MBD5: variants seen among roughly 807,000 people sequenced by gnomAD.
MBD5 encodes methyl-CpG binding domain protein 5.
MBD5 carries 13 observed loss-of-function variants against 117.3 expected under a neutral mutation model. That is an observed-to-expected ratio of 0.11 (90% confidence interval 0.07 to 0.18). MBD5 has a LOEUF of 0.18. Among genes scored for constraint, MBD5 ranks in the 10% least tolerant of loss-of-function variants. MBD5 has a pLI of 1.00. For missense variants in MBD5, 1,879 were observed against 2,093.8 expected (o/e 0.90, Z 2.00); for synonymous variants, 727 against 766.4 (o/e 0.95, Z 0.85).
chr2:148,110,272 C>T (rs578132806), intron 1 of MBD5, among the ~76,000 whole-genome samples: 1 of 152,100 alleles, frequency 6.6e-6, no homozygotes, highest in Non-Finnish European at 1.5e-5. Flanking sequence ...AGAATTCAGT[C>T]TAGGTTTGTC....
chr2:148,168,654 G>T (rs549281213), intron 1 of MBD5, among the ~76,000 whole-genome samples: 1 of 152,186 alleles, frequency 6.6e-6, no homozygotes, highest in East Asian at 1.9e-4. Context: ...TTAGATGGAA[G>T]ATCATTTGAG....
intron 2 of MBD5, among the ~76,000 whole-genome samples, chr2:148,197,428 G>A (rs780604168): frequency 2.0e-5 from 3 of 152,162 alleles, no homozygotes; most frequent in Non-Finnish European, 2.9e-5. Flanking sequence ...ACAAAAAAAG[G>A]TTCTGTTTCC....
chr2:148,485,877 C>T lies in MBD5; in HGVS notation c.3680C>T (p.Ala1227Val), dbSNP rs773522192. The change falls in exon 10 of 14, where the codon GCG becomes GTG. Residue 1227 changes from alanine (A) to valine (V), a missense_variant. By Grantham distance (64) the Ala-to-Val change is moderately conservative (BLOSUM62 0). Coordinates refer to ENST00000642680, the MANE Select transcript of MBD5 (RefSeq NM_001378120.1). ...CTCCAGGGGTACCAGAATCTCCAGG[C>T]GTTCCAAGGACAGTCCACAATTCCT... ...QLLQGYQNLQ[A>V]FQGQSTIPCP... 26 of 1,613,972 alleles carry T rather than the reference C, an allele frequency of 1.6e-5. 1 individual carries two copies. The highest frequency in any genetic ancestry group is 1.6e-4 in the Middle Eastern group (1 of 6,084).
Position 148,504,928 on chromosome 2 carries a change from C to G in MBD5, c.5036+2419C>G, listed in dbSNP as rs565564547. 2.0e-5 allele frequency among the ~76,000 whole-genome samples: 3 copies of G among 152,204 alleles called. No homozygotes were observed. In the South Asian group the frequency reaches 6.2e-4, roughly 32 times the overall value. ...TTGTTTTGGAAGTGCCTAAAGGGGGCAGGTGGTCAGATTTTTCACCTTAGG... is the reference window on the plus strand; with the variant it reads ...TTGTTTTGGAAGTGCCTAAAGGGGGGAGGTGGTCAGATTTTTCACCTTAGG... On this transcript the variant is annotated intron_variant, in intron 12 of 13. Coordinates refer to ENST00000642680, the MANE Select transcript of MBD5 (RefSeq NM_001378120.1).
chr2:148,510,413 A>G (rs761350116), intron 13 of MBD5, among the ~76,000 whole-genome samples: 1 of 152,270 alleles, frequency 6.6e-6, no homozygotes, highest in Non-Finnish European at 1.5e-5. Flanking sequence ...TTCAAACCAC[A>G]GCTTTCTGCA....
At chr2:148,354,786 G>A (rs954067019) in intron 4 of MBD5, among the ~76,000 whole-genome samples, 4 of 152,104 alleles carry the variant, frequency 2.6e-5, no homozygotes, top group Non-Finnish European at 4.4e-5. Flanking sequence ...GTTGTTTCCC[G>A]AGTTTTTAAT....
chr2:148,301,232 G>A (rs533801022), intron 3 of MBD5, among the ~76,000 whole-genome samples: 36 of 152,296 alleles, frequency 2.4e-4, no homozygotes, highest in Non-Finnish European at 4.1e-4. Flanking sequence ...CATAGCAGTA[G>A]CCTGTGTAGC....
At chr2:148,323,420 C>T (rs1300154412) in intron 3 of MBD5, among the ~76,000 whole-genome samples, 1 of 151,574 alleles carries the variant, frequency 6.6e-6, no homozygotes, top group Non-Finnish European at 1.5e-5. Flanking sequence ...GGAATCGCCA[C>T]ACTGACTTCC....
intron 8 of MBD5, among the ~76,000 whole-genome samples, chr2:148,480,395 C>A (rs1399294328): frequency 6.6e-6 from 1 of 152,014 alleles, no homozygotes; most frequent in Non-Finnish European, 1.5e-5. Flanking sequence ...ATCTACAAAG[C>A]CTTGCCATGT....
In MBD5 at chr2:148,150,206, C is replaced by G. The variant is rs1375055782; in HGVS notation, c.-924-28494C>G. Reference sequence around the variant, plus strand: ...CATTTATTAAATAGGAAATCCTTTCCCCATTGCTTGTTTTTCTCAGGTTTG... The same window carrying G: ...CATTTATTAAATAGGAAATCCTTTCGCCATTGCTTGTTTTTCTCAGGTTTG... On this transcript the variant is annotated intron_variant, in intron 1 of 13. Coordinates refer to ENST00000642680, the MANE Select transcript of MBD5 (RefSeq NM_001378120.1). Among the ~76,000 whole-genome samples the G allele has an allele frequency of 2.7e-5, 4 of 147,578 alleles. No individual in the cohort carries two copies. The South Asian group carries it at 8.9e-4, about 33-fold the overall frequency.
chr2:148,158,492 C>T lies in MBD5; in HGVS notation c.-924-20208C>T, dbSNP rs1052433769. On this transcript the variant is annotated intron_variant, in intron 1 of 13. Transcript: ENST00000642680. ...AATGGTCTACTCATTATACCCAGAG[C>T]CTAAACCTTCGTGGTACGAAGAGCC... Among the ~76,000 whole-genome samples, 4 of 152,152 alleles carry T rather than the reference C, an allele frequency of 2.6e-5. No individual in the cohort carries two copies. The South Asian group carries it at 8.3e-4, about 32-fold the overall frequency.
intron 3 of MBD5, among the ~76,000 whole-genome samples, chr2:148,311,065 A>G (rs778152593): frequency 2.0e-5 from 3 of 152,148 alleles, no homozygotes; most frequent in Non-Finnish European, 4.4e-5. Flanking sequence ...TTTACTTCTA[A>G]TTATGTGGTC....
chr2:148,388,581 G>A (rs1248218946), intron 4 of MBD5, among the ~76,000 whole-genome samples: 1 of 152,126 alleles, frequency 6.6e-6, no homozygotes, highest in Non-Finnish European at 1.5e-5. Flanking sequence ...ACCACAGACT[G>A]TGTTGCTTAA....
chr2:148,392,795 A>G (rs753093308), intron 4 of MBD5, among the ~76,000 whole-genome samples: 29 of 152,158 alleles, frequency 1.9e-4, no homozygotes, highest in Non-Finnish European at 1.9e-4. Context: ...GGCCTGGGGT[A>G]TAGAGAGCAT....
At chr2:148,032,608 T>C (rs185284058) in intron 1 of MBD5, among the ~76,000 whole-genome samples, 298 of 152,244 alleles carry the variant, frequency 2.0e-3, no homozygotes, top group Admixed American at 4.6e-3. Context: ...TAGGGAGTTA[T>C]GTAGGAGCCA....
In MBD5 at chr2:148,282,310, C is replaced by G. The variant is rs1368077655; in HGVS notation, c.-680+48915C>G. On this transcript the variant is annotated intron_variant, in intron 3 of 13. Coordinates refer to ENST00000642680, the MANE Select transcript of MBD5 (RefSeq NM_001378120.1). ...ATTCATTCTATTTATTTGTTTAATGCATAGATATGCTACAGCAAAACAAGA... is the reference window on the plus strand; with the variant it reads ...ATTCATTCTATTTATTTGTTTAATGGATAGATATGCTACAGCAAAACAAGA... Among the ~76,000 whole-genome samples the G allele has an allele frequency of 2.0e-5, 3 of 152,048 alleles. No homozygotes were observed. In the East Asian group the frequency reaches 5.8e-4, roughly 29 times the overall value.
chr2:148,423,996 G>A (rs1705692426), intron 4 of MBD5, among the ~76,000 whole-genome samples: 1 of 151,728 alleles, frequency 6.6e-6, no homozygotes, highest in Non-Finnish European at 1.5e-5. Context: ...GGCTAACACA[G>A]TGAAACCCCA....
At chr2:148,079,139 A>C (rs1399642247) in intron 1 of MBD5, among the ~76,000 whole-genome samples, 1 of 152,184 alleles carries the variant, frequency 6.6e-6, no homozygotes, top group African/African-American at 2.4e-5. Flanking sequence ...AACAAAATTT[A>C]AGTGGTGAAG....
At position 148,426,411 on chromosome 2, in the gene MBD5, G is replaced by T. The variant is rs1054519137; in HGVS notation, c.-556-31792G>T. On this transcript the variant is annotated intron_variant, in intron 4 of 13. Transcript: ENST00000642680. The stretch of plus-strand genomic sequence containing the variant: ...ACCTGACTTCAAACTATACTACAAG[G>T]CTACAGTAACCAAAACAGCATGGTA... Among the ~76,000 whole-genome samples, 16 of 151,972 alleles carry T rather than the reference G, an allele frequency of 1.1e-4. 1 individual carries two copies. The highest frequency in any genetic ancestry group is 8.3e-4 in the South Asian group (4 of 4,808).
Sources: gnomAD v4.1 joint callset for allele counts (sites outside exome capture counted in the v4.1 genomes callset) on GRCh38, gnomAD v4.1.1 for gene constraint, MANE v1.5 for transcripts, NCBI Gene and HGNC (gene_info 2026-07-23, HGNC 2026-07-21) for gene names.